Variants in LMNTD1 observed in about 807,000 individuals in gnomAD.
LMNTD1 encodes lamin tail domain containing 1, also known as lamin tail domain-containing protein 1.
Under a neutral mutation model 50.9 loss-of-function variants are expected in LMNTD1, and 35 were observed. That is an observed-to-expected ratio of 0.69 (90% CI 0.53 to 0.91). The LOEUF (loss-of-function observed/expected upper bound fraction) is 0.91, where lower values mean the gene tolerates loss of function less well. Among genes scored for constraint, LMNTD1 ranks in the 40% least tolerant of loss-of-function variants. The pLI, the probability that LMNTD1 is intolerant of heterozygous loss-of-function variation, is 0.00. For synonymous variants in LMNTD1, 153 were observed against 161.9 expected, an observed-to-expected ratio of 0.94 and a Z score of 0.42; for missense variants, 470 against 475.5, an observed-to-expected ratio of 0.99 and a Z score of 0.11.
intron 9 of LMNTD1, among the ~76,000 whole-genome samples, chr12:25,477,435 CTCTT>C (rs1938306741): frequency 6.6e-6 from 1 of 152,070 alleles, no homozygotes; most frequent in African/African-American, 2.4e-5. Flanking sequence ...TAGAAAGTGA[CTCTT>C]TCCCCTGAGA....
chr12:25,520,243 C>G (rs895172561), intron 6 of LMNTD1, among the ~76,000 whole-genome samples, 168 bp from the exon 7 acceptor site: 1 of 147,342 alleles, frequency 6.8e-6, no homozygotes, highest in African/African-American at 2.5e-5. Flanking sequence ...TTTTTTATGA[C>G]AAGAGCAGCT....
chr12:25,504,089 A>G (rs1939558600), intron 8 of LMNTD1, among the ~76,000 whole-genome samples: 1 of 152,256 alleles, frequency 6.6e-6, no homozygotes, highest in South Asian at 2.1e-4. Flanking sequence ...ATTTCAGGAC[A>G]TAATTAGTCA....
At chr12:25,531,243 G>A (rs1424434685) in intron 4 of LMNTD1, among the ~76,000 whole-genome samples, 1 of 152,204 alleles carries the variant, frequency 6.6e-6, no homozygotes. Flanking sequence ...AGACAACCCA[G>A]ATTTATGGCC....
At chr12:25,631,929 A>G (rs541621341) in intron 1 of LMNTD1, among the ~76,000 whole-genome samples, 2 of 152,238 alleles carry the variant, frequency 1.3e-5, no homozygotes, top group South Asian at 4.1e-4. Context: ...TGAAATATTC[A>G]AGGAAATAGA....
chr12:25,541,185 C>T (rs1189768163), intron 4 of LMNTD1, among the ~76,000 whole-genome samples: 2 of 78,194 alleles, frequency 2.6e-5, no homozygotes, highest in Admixed American at 1.6e-4. Flanking sequence ...CCATCCCCAT[C>T]AAGCTACCAA....
At chr12:25,481,338 T>G (rs560175926) in intron 9 of LMNTD1, among the ~76,000 whole-genome samples, 1 of 152,186 alleles carries the variant, frequency 6.6e-6, no homozygotes, top group East Asian at 1.9e-4. Flanking sequence ...ACAAGCTTCA[T>G]GAAGACAGAT....
intron 8 of LMNTD1, among the ~76,000 whole-genome samples, chr12:25,505,512 C>A (rs753314858): frequency 3.2e-4 from 48 of 151,978 alleles, no homozygotes; most frequent in Non-Finnish European, 2.5e-4. Flanking sequence ...CTTGTCTATT[C>A]TTTTTTTAAA....
At chr12:25,535,550 G>A (rs1942523153) in intron 4 of LMNTD1, among the ~76,000 whole-genome samples, 1 of 151,988 alleles carries the variant, frequency 6.6e-6, no homozygotes, top group African/African-American at 2.4e-5. Flanking sequence ...TAATGATAAT[G>A]AGAACATCTT....
intron 1 of LMNTD1, among the ~76,000 whole-genome samples, chr12:25,647,080 T>G (rs11048143): frequency 0.02 from 3,030 of 152,366 alleles, 36 homozygotes; most frequent in Non-Finnish European, 0.029. Context: ...ATCCTTACAA[T>G]GTCATTTTCC....
intron 9 of LMNTD1, among the ~76,000 whole-genome samples, chr12:25,489,106 G>T (rs1938779051): frequency 6.6e-6 from 1 of 152,062 alleles, no homozygotes; most frequent in Non-Finnish European, 1.5e-5. Context: ...GCTCCCAGAG[G>T]TGGAGCCTAC....
intron 1 of LMNTD1, among the ~76,000 whole-genome samples, chr12:25,587,246 C>T (rs1945558278): frequency 6.6e-6 from 1 of 152,172 alleles, no homozygotes; most frequent in South Asian, 2.1e-4. Context: ...GGATTATTTT[C>T]TGTGTCAGTT....
upstream of LMNTD1, among the ~76,000 whole-genome samples, chr12:25,556,778 T>TA (rs1227870474): frequency 6.6e-6 from 1 of 152,228 alleles, no homozygotes; most frequent in Non-Finnish European, 1.5e-5. Context: ...TTCTTAAGTT[T>TA]AAAAAACAGA....
intron 1 of LMNTD1, among the ~76,000 whole-genome samples, chr12:25,606,316 G>A (rs1047011029): frequency 2.2e-4 from 33 of 152,202 alleles, no homozygotes; most frequent in Admixed American, 2.6e-4. Context: ...CTAATTGAAT[G>A]CCCTTTATTT....
At chr12:25,585,212 C>G (rs986817718) in intron 1 of LMNTD1, among the ~76,000 whole-genome samples, 1 of 152,180 alleles carries the variant, frequency 6.6e-6, no homozygotes, top group African/African-American at 2.4e-5. Context: ...AAGGCTCACC[C>G]TCAGCAAACT....
In LMNTD1 at chr12:25,643,130, A is replaced by G. The variant is rs554323238; in HGVS notation, c.58+5364T>C. On this transcript the variant is annotated intron_variant, in intron 1 of 7. Coordinates refer to the LMNTD1 transcript ENST00000445693. ...AGTGAGACAGAAAAAAACATATAAC[A>G]TGGTAATTTTAGATTGTAATAAGAG... Among the ~76,000 whole-genome samples the G allele has an allele frequency of 4.6e-5, 7 of 152,338 alleles. No homozygotes were observed. The South Asian group carries it at 1.2e-3, about 27-fold the overall frequency.
chr12:25,476,109 G>A lies in LMNTD1; in HGVS notation c.*374C>T, dbSNP rs1375089272. The A allele has an allele frequency of 1.3e-5, 2 of 152,222 alleles. No homozygotes were observed. Among genetic ancestry groups the A allele is most frequent in the Admixed American group, 6.5e-5 (1 of 15,286 alleles). The allele number at this position is 152,222 out of a possible 1,614,324, so 9.4% of individuals were successfully genotyped here. On this transcript the variant is annotated 3_prime_UTR_variant, in exon 10 of 10. Coordinates refer to ENST00000458174, the MANE Select transcript of LMNTD1 (RefSeq NM_001145728.2). ...GGAAAAAAGAGATTTATCAGTCAAT[G>A]TAAAATGGTTAAACAATTGCACGTG... is the stretch of plus-strand genomic sequence containing the variant.
chr12:25,497,976 A>C (rs1939161763), intron 9 of LMNTD1, among the ~76,000 whole-genome samples: 1 of 152,040 alleles, frequency 6.6e-6, no homozygotes, highest in Non-Finnish European at 1.5e-5. Flanking sequence ...ATTGGGGAAA[A>C]ATTCTCACTT....
chr12:25,543,749 C>T (rs145343110), intron 4 of LMNTD1, among the ~76,000 whole-genome samples: 2,337 of 151,102 alleles, frequency 0.015, 31 homozygotes, highest in African/African-American at 0.038. Context: ...TTTAGTACTG[C>T]TTTTTTTTGT....
chr12:25,571,616 G>A (rs1194631762), intron 1 of LMNTD1, among the ~76,000 whole-genome samples: 1 of 151,276 alleles, frequency 6.6e-6, no homozygotes, highest in Non-Finnish European at 1.5e-5. Flanking sequence ...ACCCACCTTG[G>A]CCTCCCAAAA....
Sources: allele counts gnomAD v4.1 joint callset (sites outside exome capture counted in the v4.1 genomes callset), GRCh38; gene constraint gnomAD v4.1.1; transcripts MANE v1.5; gene names NCBI Gene and HGNC (gene_info 2026-07-23, HGNC 2026-07-21).